Variants in CMTM4 observed in about 807,000 individuals in gnomAD.
CMTM4 encodes the protein CKLF-like MARVEL transmembrane domain-containing protein 4.
Under a neutral mutation model 19.0 loss-of-function variants are expected in CMTM4, and 8 were observed. The ratio of observed to expected loss-of-function variants is 0.42; its 90% CI spans 0.25 to 0.76. The LOEUF (loss-of-function observed/expected upper bound fraction) is 0.76. CMTM4 is among the 30% of genes least tolerant of loss of function. The pLI is 0.27. For missense variants in CMTM4, 228 were observed against 290.2 expected (o/e 0.79, Z 1.56); for synonymous variants, 106 against 121.1 (o/e 0.88, Z 0.82).
chr16:66,601,751 G>A, the CMTM4 span, among the ~76,000 whole-genome samples: 1 of 152,240 alleles, frequency 6.6e-6, no homozygotes, highest in Non-Finnish European at 1.5e-5. Flanking sequence ...AAGCCAGGCA[G>A]CAGGAGAAGG....
chr16:66,632,556 G>A (rs2015893745), intron 2 of CMTM4, among the ~76,000 whole-genome samples: 1 of 152,182 alleles, frequency 6.6e-6, no homozygotes, highest in Non-Finnish European at 1.5e-5. Flanking sequence ...GGGGGAAGTA[G>A]AGAAGGCAAG....
rs142194723 is a variant in CMTM4, at chr16:66,664,493, T to C, written c.187-27912A>G. On this transcript the variant is annotated intron_variant, in intron 1 of 3. Transcript: ENST00000394106. ...CTGTAACAATGTTGGGATTTCAATG[T>C]ATTTGACAACGAAAACAAAGTAGGA... Among the ~76,000 whole-genome samples, 3 of 152,292 alleles carry C rather than the reference T, an allele frequency of 2.0e-5. No homozygotes were observed. In the East Asian group the frequency reaches 5.8e-4, roughly 29 times the overall value.
At chr16:66,676,629 C>T (rs1477124553) in intron 1 of CMTM4, among the ~76,000 whole-genome samples, 1 of 152,176 alleles carries the variant, frequency 6.6e-6, no homozygotes, top group African/African-American at 2.4e-5. Flanking sequence ...GCCACCTTGA[C>T]CCTTCGTTAT....
the CMTM4 span, among the ~76,000 whole-genome samples, chr16:66,608,688 A>C: frequency 6.6e-6 from 1 of 152,194 alleles, no homozygotes; most frequent in African/African-American, 2.4e-5. The surrounding 1 kb of genome is among the most constrained non-coding windows in gnomAD (Gnocchi z 5.1). Flanking sequence ...TCTGTGAGGC[A>C]GGGAACCCGG....
chr16:66,610,501 A>G (rs1476042220), downstream of CMTM4, among the ~76,000 whole-genome samples: 6 of 152,298 alleles, frequency 3.9e-5, no homozygotes, highest in Admixed American at 2.0e-4. This position sits in a 1 kb window ranked among gnomAD's most constrained non-coding sequence, Gnocchi z 4.6. Flanking sequence ...AGGAGCCGAT[A>G]GAGGGAGGGA....
the CMTM4 span, chr16:66,608,216 C>A: frequency 7.1e-7 from 1 of 1,415,178 alleles, no homozygotes; most frequent in Non-Finnish European, 9.7e-7. This position sits in a 1 kb window ranked among gnomAD's most constrained non-coding sequence, Gnocchi z 5.1. Context: ...CTGCTGGAAC[C>A]TCCTCTATCC....
chr16:66,692,280 T>C (rs918536870), intron 1 of CMTM4, among the ~76,000 whole-genome samples: 4 of 152,114 alleles, frequency 2.6e-5, no homozygotes, highest in Non-Finnish European at 4.4e-5. Flanking sequence ...TGTAGAGATG[T>C]GGTTTCACCA....
intron 2 of CMTM4, among the ~76,000 whole-genome samples, chr16:66,630,157 G>A (rs2015820832): frequency 6.6e-6 from 1 of 151,972 alleles, no homozygotes; most frequent in Admixed American, 6.6e-5. Context: ...TGGGATCTGT[G>A]CTAACTCCGA....
intron 1 of CMTM4, among the ~76,000 whole-genome samples, chr16:66,683,702 G>A (rs2144911299): frequency 6.6e-6 from 1 of 152,034 alleles, no homozygotes; most frequent in East Asian, 1.9e-4. Flanking sequence ...TGCTCTCATG[G>A]AGCTGACCTT....
rs1367061182 is a variant in CMTM4, at chr16:66,616,150, T to C, written c.*5908A>G. ...ACAATCTAAAATCATGCTACAAAAA[T>C]AGTGTTATCTTGTTTAACTAAATGT... On this transcript the variant is annotated 3_prime_UTR_variant, in exon 4 of 4. Transcript: ENST00000394106. 2 of 152,112 alleles carry C rather than the reference T, an allele frequency of 1.3e-5. No individual in the cohort carries two copies. The highest frequency in any genetic ancestry group is 4.8e-5 in the African/African-American group (2 of 41,434). 9.4% of individuals were successfully genotyped at this position (152,112 alleles called of 1,614,324 possible).
intron 1 of CMTM4, among the ~76,000 whole-genome samples, chr16:66,693,256 T>A (rs986525831): frequency 1.3e-5 from 2 of 152,028 alleles, no homozygotes; most frequent in African/African-American, 4.8e-5. Context: ...ACCACTAAAT[T>A]TATTTTTAGA....
Position 66,696,348 on chromosome 16 carries a change from C to G in CMTM4, c.178G>C (p.Ala60Pro). Residue 60 changes from alanine (A) to proline (P), a missense_variant, in exon 1 of 4, where the codon GCC becomes CCC. This residue lies in a region of CMTM4 where 200 missense variants were observed against 226.6 expected (regional missense o/e 0.88). Coordinates refer to ENST00000394106, the MANE Select transcript of CMTM4 (RefSeq NM_181521.3). This position sits in a 1 kb window ranked among gnomAD's most constrained non-coding sequence, Gnocchi z 4.3. ...LRGALGRLKVAQVILALIAFI... is the reference protein window; with the variant it reads ...LRGALGRLKVPQVILALIAFI... ...CCCCGCCCGGCACCTACCACTTGGGCGACCTTGAGGCGGCCGAGCGCGCCG... is the reference window on the plus strand; with the variant it reads ...CCCCGCCCGGCACCTACCACTTGGGGGACCTTGAGGCGGCCGAGCGCGCCG... 1 of 1,409,248 alleles carries G rather than the reference C, an allele frequency of 7.1e-7. No homozygotes were observed. The allele number at this position is 1,409,248 out of a possible 1,614,324, so 87.3% of individuals were successfully genotyped here.
At chr16:66,648,726 C>A (rs890751610) in intron 1 of CMTM4, among the ~76,000 whole-genome samples, 1 of 151,954 alleles carries the variant, frequency 6.6e-6, no homozygotes, top group Admixed American at 6.6e-5. Context: ...CATCTCAACA[C>A]TTTGGGAGGC....
rs144404785 is a variant in CMTM4, at chr16:66,655,195, G to C, written c.187-18614C>G. ...GACAGGATTTCGCCATGTTGCCAAGGCTGGGACTCAAGCAATCCACCTGCC... is the reference window on the plus strand; with the variant it reads ...GACAGGATTTCGCCATGTTGCCAAGCCTGGGACTCAAGCAATCCACCTGCC... On this transcript the variant is annotated intron_variant, in intron 1 of 3. Coordinates refer to ENST00000394106, the MANE Select transcript of CMTM4 (RefSeq NM_181521.3). 5.1e-3 allele frequency among the ~76,000 whole-genome samples: 777 copies of C among 152,174 alleles called. 5 individuals are homozygous for C. Among genetic ancestry groups the C allele is most frequent in the African/African-American group, 0.018 (754 of 41,524 alleles).
the CMTM4 span, among the ~76,000 whole-genome samples, chr16:66,600,836 G>T: frequency 6.6e-6 from 1 of 152,206 alleles, no homozygotes; most frequent in Non-Finnish European, 1.5e-5. Context: ...GTCAAGAAAG[G>T]CTTCTCTGAG....
chr16:66,685,772 T>A (rs146224071), intron 1 of CMTM4, among the ~76,000 whole-genome samples: 2 of 152,262 alleles, frequency 1.3e-5, no homozygotes, highest in Admixed American at 1.3e-4. Flanking sequence ...GCCTCCTGAG[T>A]TGCTGGGACT....
At chr16:66,657,274 A>G (rs918315588) in intron 1 of CMTM4, among the ~76,000 whole-genome samples, 3 of 152,006 alleles carry the variant, frequency 2.0e-5, no homozygotes, top group African/African-American at 7.2e-5. Context: ...TAGTAGACCC[A>G]GGGTTTCACC....
chr16:66,636,291 T>C, intron 2 of CMTM4, 114 bp downstream of exon 2: 1 of 750,182 alleles, frequency 1.3e-6, no homozygotes, highest in Non-Finnish European at 2.1e-6. Flanking sequence ...TATAATAGAA[T>C]ATTTAAGGAT....
intron 2 of CMTM4, among the ~76,000 whole-genome samples, chr16:66,631,213 G>A (rs905908920): frequency 2.3e-5 from 3 of 129,762 alleles, no homozygotes; most frequent in Non-Finnish European, 3.2e-5. Context: ...GGAGGGAGGT[G>A]GGGGGTCAGC....
Sources: allele counts gnomAD v4.1 joint callset (sites outside exome capture counted in the v4.1 genomes callset), GRCh38; gene constraint gnomAD v4.1.1; regional missense constraint gnomAD v4.1.1; non-coding constraint Gnocchi (gnomAD v3.1); transcripts MANE v1.5; gene names NCBI Gene and HGNC (gene_info 2026-07-23, HGNC 2026-07-21).